The following LIMA1 variants were observed in gnomAD, a reference collection of about 807,000 sequenced individuals.
LIMA1 encodes the protein LIM domain and actin binding 1.
A neutral mutation model predicts 62.6 loss-of-function variants in LIMA1; 52 were observed. That is an observed-to-expected ratio of 0.83 (90% CI 0.67 to 1.05). The LOEUF (loss-of-function observed/expected upper bound fraction) is 1.05, where lower values mean the gene tolerates loss of function less well. Ranked by LOEUF, LIMA1 falls within the 50% of genes least tolerant of loss-of-function variation. The probability of loss-of-function intolerance (pLI) is 0.00; values close to 1 mark genes in which losing one functional copy is unlikely to be tolerated. For missense variants in LIMA1, 780 were observed against 902.2 expected, an observed-to-expected ratio of 0.86 and a Z score of 1.74; for synonymous variants, 302 against 317.8, an observed-to-expected ratio of 0.95 and a Z score of 0.53.
At chr12:50,226,161 C>A (rs1941524867) in intron 3 of LIMA1, among the ~76,000 whole-genome samples, 1 of 152,118 alleles carries the variant, frequency 6.6e-6, no homozygotes, top group African/African-American at 2.4e-5. Context: ...ATCCTGCCAC[C>A]TCTGCCTCCC....
chr12:50,279,125 C>G (rs982235036), intron 1 of LIMA1, among the ~76,000 whole-genome samples: 2 of 151,238 alleles, frequency 1.3e-5, no homozygotes, highest in African/African-American at 2.4e-5. Flanking sequence ...CCTGCTTCAG[C>G]CTCCTTAGTA....
At chr12:50,281,563 C>T (rs1942340027) in intron 1 of LIMA1, among the ~76,000 whole-genome samples, 1 of 152,116 alleles carries the variant, frequency 6.6e-6, no homozygotes, top group Non-Finnish European at 1.5e-5. Flanking sequence ...GCTAATGTTG[C>T]CAATATACTG....
intron 2 of LIMA1, among the ~76,000 whole-genome samples, chr12:50,236,456 C>T (rs1565853171): frequency 6.6e-6 from 1 of 151,588 alleles, no homozygotes; most frequent in Non-Finnish European, 1.5e-5. Context: ...CACCACCACA[C>T]CCGGATAAGC....
intron 1 of LIMA1, among the ~76,000 whole-genome samples, chr12:50,266,125 A>G (rs1942136324): frequency 6.6e-6 from 1 of 152,138 alleles, no homozygotes; most frequent in Non-Finnish European, 1.5e-5. Flanking sequence ...CCCCAAACCA[A>G]TTCTACTTCT....
chr12:50,185,307 G>T (rs1204449395), intron 9 of LIMA1: 1 of 452,878 alleles, frequency 2.2e-6, no homozygotes, highest in African/African-American at 2.0e-5. Flanking sequence ...ACACGGAGGG[G>T]AGGCACACAC....
chr12:50,236,483 A>C (rs1243018926), intron 2 of LIMA1, among the ~76,000 whole-genome samples: 8 of 151,486 alleles, frequency 5.3e-5, no homozygotes, highest in Admixed American at 2.0e-4. Flanking sequence ...TATTTTTAGT[A>C]GAGATGAGGT....
At chr12:50,261,042 A>ATATTTTTTTTTTTTTTTTT (rs1383547189) in intron 1 of LIMA1, among the ~76,000 whole-genome samples, 4 of 54,288 alleles carry the variant, frequency 7.4e-5, no homozygotes, top group African/African-American at 2.9e-4. Flanking sequence ...CATCTAGTAT[A>ATATTTTTTTTTTTTTTTTT]TTTTTTTTTT....
intron 6 of LIMA1, 150 bp from the exon 7 acceptor site, chr12:50,201,034 CCA>C: frequency 7.0e-7 from 1 of 1,428,850 alleles, no homozygotes; most frequent in Non-Finnish European, 9.1e-7. Flanking sequence ...CAAGCAAAAC[CCA>C]CTGACTAGTG....
intron 6 of LIMA1, 112 bp downstream of exon 6, chr12:50,204,440 G>T: frequency 8.2e-7 from 1 of 1,216,548 alleles, no homozygotes; most frequent in Non-Finnish European, 1.1e-6. Flanking sequence ...AGAACAGCTA[G>T]GGGACCAGGG....
At position 50,239,996 on chromosome 12, in the gene LIMA1, A is replaced by AATAACATAACATAAC. The variant is rs373467242; in HGVS notation, c.120-8301_120-8287dup. 1.5e-3 allele frequency among the ~76,000 whole-genome samples: 191 copies of AATAACATAACATAAC among 128,682 alleles called. 2 individuals carry two copies. Among genetic ancestry groups the AATAACATAACATAAC allele is most frequent in the Admixed American group, 2.0e-3 (23 of 11,572 alleles). The allele number at this position is 128,682 out of a possible 152,430, so 84.4% of individuals were successfully genotyped here. A position where few individuals can be genotyped will look rare whatever the true frequency, so the allele number is the denominator to read the frequency against. On this transcript the variant is annotated intron_variant, in intron 2 of 10. Transcript: ENST00000341247. ...GCAACAGAGTGAGACTCTATCTCAAAATAACATAACATAACATAACATAAC... is the reference window on the plus strand; with the variant it reads ...GCAACAGAGTGAGACTCTATCTCAAAATAACATAACATAACATAACATAACATAACATAACATAAC...
chr12:50,264,479 AC>A (rs1942114963), intron 1 of LIMA1, among the ~76,000 whole-genome samples: 1 of 152,196 alleles, frequency 6.6e-6, no homozygotes, highest in African/African-American at 2.4e-5. Flanking sequence ...CCCAGGGCTC[AC>A]CTTGCCCACC....
chr12:50,266,038 C>T (rs1188332300), intron 1 of LIMA1, among the ~76,000 whole-genome samples: 1 of 152,152 alleles, frequency 6.6e-6, no homozygotes. Context: ...CAGGGATGGG[C>T]CTGCTCCATA....
chr12:50,283,182 T>TA (rs1942360629), intron 1 of LIMA1, among the ~76,000 whole-genome samples: 1 of 117,910 alleles, frequency 8.5e-6, no homozygotes, highest in African/African-American at 3.2e-5. Context: ...GACGGGGTAT[T>TA]TGCAGCTCCC....
intron 2 of LIMA1, among the ~76,000 whole-genome samples, chr12:50,247,710 G>C (rs868205177): frequency 6.6e-6 from 1 of 151,492 alleles, no homozygotes; most frequent in Admixed American, 6.6e-5. Flanking sequence ...TGCAACCTCC[G>C]CCTCCTGGGT....
At chr12:50,201,627 T>G in intron 6 of LIMA1, 1 of 718,476 alleles carries the variant, frequency 1.4e-6, no homozygotes, top group Non-Finnish European at 1.7e-6. Context: ...CTGGGTGCAG[T>G]GGCTCACGCC....
At chr12:50,229,531 C>T (rs1377528755) in intron 3 of LIMA1, among the ~76,000 whole-genome samples, 2 of 151,842 alleles carry the variant, frequency 1.3e-5, no homozygotes, top group South Asian at 2.1e-4. Context: ...ATCACACACA[C>T]GGGGGCCTGT....
intron 3 of LIMA1, among the ~76,000 whole-genome samples, chr12:50,230,824 G>A (rs540289632): frequency 8.4e-4 from 128 of 152,150 alleles, no homozygotes; most frequent in Non-Finnish European, 1.3e-3. Context: ...TGATCTGCCC[G>A]CCTCGGTCTC....
At chr12:50,212,857 C>T (rs1941281870) in intron 4 of LIMA1, among the ~76,000 whole-genome samples, 1 of 151,914 alleles carries the variant, frequency 6.6e-6, no homozygotes, top group Non-Finnish European at 1.5e-5. Flanking sequence ...CTCTGTCGCC[C>T]AGGATGGAGT....
intron 1 of LIMA1, among the ~76,000 whole-genome samples, chr12:50,270,539 A>G (rs1053412476): frequency 7.4e-6 from 1 of 135,854 alleles, no homozygotes; most frequent in Admixed American, 8.3e-5. Flanking sequence ...TTGGAGGTGG[A>G]GGTTGCAGTG....
Sources: gnomAD v4.1 joint callset for allele counts (sites outside exome capture counted in the v4.1 genomes callset) on GRCh38, gnomAD v4.1.1 for gene constraint, MANE v1.5 for transcripts, NCBI Gene and HGNC (gene_info 2026-07-23, HGNC 2026-07-21) for gene names.